EIF2B3: variants seen among roughly 807,000 people sequenced by gnomAD.
The protein encoded by EIF2B3 is eukaryotic translation initiation factor 2B subunit gamma, also known as translation initiation factor eIF2B subunit gamma.
In EIF2B3, 20 loss-of-function variants were observed where a neutral mutation model predicts 54.1. The observed-to-expected ratio is 0.37, with a 90% CI of 0.26 to 0.54. The LOEUF (loss-of-function observed/expected upper bound fraction) is 0.54, where lower values mean the gene tolerates loss of function less well. Ranked by LOEUF, EIF2B3 falls within the 20% of genes least tolerant of loss-of-function variation. The pLI, the probability that EIF2B3 is intolerant of heterozygous loss-of-function variation, is 0.86. For missense variants in EIF2B3, 448 were observed against 547.8 expected (o/e 0.82, Z 1.82); for synonymous variants, 153 against 188.1 (o/e 0.81, Z 1.52).
intron 4 of EIF2B3, among the ~76,000 whole-genome samples, chr1:44,938,409 G>A (rs954877646): frequency 1.3e-5 from 2 of 152,056 alleles, no homozygotes; most frequent in Admixed American, 1.3e-4. Flanking sequence ...CTACTTGGCA[G>A]GCTGAGGTGG....
At chr1:44,977,276 G>C (rs1644462064) in intron 3 of EIF2B3, among the ~76,000 whole-genome samples, 1 of 152,128 alleles carries the variant, frequency 6.6e-6, no homozygotes, top group Non-Finnish European at 1.5e-5. Flanking sequence ...GTGCTCCTTA[G>C]TTTCTTAACC....
Position 44,875,645 on chromosome 1 carries a change from C to G in EIF2B3, c.1026G>C (p.Ser342=), listed in dbSNP as rs539187259. ...GGTGTTTGCTGACAATCTGGGCTGA[C>G]GAATGGACTGGTGGTTCTTCTGGAC... ...ALCPEEPPVH[S]SAQIVSKHLV... The change falls in exon 9 of 12, where the codon TCG becomes TCC. Residue 342 remains serine, a synonymous_variant. Transcript: ENST00000360403. 3 of 1,614,014 alleles carry G rather than the reference C, an allele frequency of 1.9e-6. No individual in the cohort carries two copies. The highest frequency in any genetic ancestry group is 2.5e-6 in the Non-Finnish European group (3 of 1,180,030).
intron 5 of EIF2B3, among the ~76,000 whole-genome samples, chr1:44,905,048 C>T (rs188873936): frequency 3.3e-3 from 504 of 152,282 alleles, no homozygotes; most frequent in Non-Finnish European, 4.6e-3. Context: ...TGTGGTGTGG[C>T]TATCTGGTAT....
intron 3 of EIF2B3, among the ~76,000 whole-genome samples, chr1:44,955,684 TC>T (rs1427040201): frequency 6.6e-6 from 1 of 151,500 alleles, no homozygotes; most frequent in Non-Finnish European, 1.5e-5. Flanking sequence ...AAAAACCCCA[TC>T]AAAAAGTGGG....
chr1:44,855,443 T>G (rs1654405183), intron 11 of EIF2B3, among the ~76,000 whole-genome samples: 1 of 152,172 alleles, frequency 6.6e-6, no homozygotes, highest in Admixed American at 6.6e-5. Flanking sequence ...AAAATATGTT[T>G]CATGGATCCA....
intron 4 of EIF2B3, among the ~76,000 whole-genome samples, chr1:44,933,940 T>C (rs1362867140): frequency 2.0e-5 from 3 of 149,128 alleles, no homozygotes; most frequent in African/African-American, 5.0e-5. Flanking sequence ...CTGACCAAAA[T>C]GGAGAAACCC....
intron 11 of EIF2B3, among the ~76,000 whole-genome samples, chr1:44,857,099 G>C (rs1223003007): frequency 6.6e-6 from 1 of 152,144 alleles, no homozygotes; most frequent in African/African-American, 2.4e-5. Flanking sequence ...AAGAATCACT[G>C]TACAGTATTG....
intron 5 of EIF2B3, among the ~76,000 whole-genome samples, chr1:44,922,454 G>A (rs1247535929): frequency 6.6e-6 from 1 of 151,476 alleles, no homozygotes; most frequent in African/African-American, 2.4e-5. Flanking sequence ...GGGCATGGTG[G>A]TGGGCGCCTG....
At chr1:44,865,569 A>G (rs1018828090) in intron 10 of EIF2B3, among the ~76,000 whole-genome samples, 1 of 151,678 alleles carries the variant, frequency 6.6e-6, no homozygotes, top group Non-Finnish European at 1.5e-5. Context: ...CTGTATTTGT[A>G]ACATTGGTAC....
At chr1:44,870,985 G>C (rs536173496) in intron 10 of EIF2B3, among the ~76,000 whole-genome samples, 1 of 152,054 alleles carries the variant, frequency 6.6e-6, no homozygotes, top group Non-Finnish European at 1.5e-5. Context: ...TTCCAAATTC[G>C]TACTTCAAGC....
At chr1:44,868,421 A>AGG (rs1024278218) in intron 10 of EIF2B3, among the ~76,000 whole-genome samples, 13 of 142,812 alleles carry the variant, frequency 9.1e-5, no homozygotes, top group African/African-American at 3.4e-4. Context: ...AAAAAAAAAA[A>AGG]GAAAGCTGTA....
chr1:44,958,311 G>A (rs1037454182), intron 3 of EIF2B3, among the ~76,000 whole-genome samples: 6 of 152,182 alleles, frequency 3.9e-5, no homozygotes, highest in Admixed American at 6.5e-5. Flanking sequence ...GCTGCCTTAA[G>A]TTCTCTTCAT....
chr1:44,982,457 C>A (rs1244732065), intron 1 of EIF2B3, among the ~76,000 whole-genome samples: 1 of 152,040 alleles, frequency 6.6e-6, no homozygotes, highest in East Asian at 1.9e-4. Context: ...GGCCACCATG[C>A]CTGGCTAATT....
At position 44,934,154 on chromosome 1, in the gene EIF2B3, T is replaced by A. The variant is rs558110741; in HGVS notation, c.454+7352A>T. 2.0e-5 allele frequency among the ~76,000 whole-genome samples: 3 copies of A among 152,020 alleles called. No individual in the cohort carries two copies. The South Asian group carries it at 6.2e-4, about 32-fold the overall frequency. ...GGCTCACACCTGTAATCCCGGCACT[T>A]TGGGAGGCTGAGGCAGGTGGATCAC... On this transcript the variant is annotated intron_variant, in intron 4 of 11. Transcript: ENST00000360403.
Position 44,926,615 on chromosome 1 carries a change from C to A in EIF2B3, c.566+13G>T. On this transcript the variant is annotated intron_variant, in intron 5 of 11. Coordinates refer to ENST00000360403, the MANE Select transcript of EIF2B3 (RefSeq NM_020365.5). ...CAAGGAGAATTGCCAGAAGAAAAAA[C>A]CCTAGGGCTTACTTCTGTAGGATGG... The A allele has an allele frequency of 6.2e-7, 1 of 1,608,726 alleles. No individual in the cohort carries two copies. The highest frequency in any genetic ancestry group is 8.5e-7 in the Non-Finnish European group (1 of 1,175,470).
intron 3 of EIF2B3, among the ~76,000 whole-genome samples, chr1:44,943,126 G>A (rs922829998): frequency 2.0e-5 from 3 of 151,572 alleles, no homozygotes; most frequent in Admixed American, 2.0e-4. Flanking sequence ...CAAAGTGCTG[G>A]GATTACAGGT....
chr1:44,926,550 C>T, intron 5 of EIF2B3, 78 bp downstream of exon 5: 1 of 1,142,932 alleles, frequency 8.7e-7, no homozygotes. Context: ...TTTTCATTCC[C>T]TCTTTCCCAT....
chr1:44,922,325 G>T (rs970299356), intron 5 of EIF2B3, among the ~76,000 whole-genome samples: 8 of 151,216 alleles, frequency 5.3e-5, no homozygotes, highest in Non-Finnish European at 2.9e-5. Context: ...GGTGGCTCAC[G>T]CCTGTAATCT....
At position 44,963,239 on chromosome 1, in the gene EIF2B3, AC is replaced by A. The variant is rs562183770; in HGVS notation, c.294+15075del. Among the ~76,000 whole-genome samples the A allele has an allele frequency of 3.6e-3, 543 of 151,678 alleles. 3 individuals are homozygous for A. The highest frequency in any genetic ancestry group is 0.012 in the African/African-American group (491 of 41,344). Reference sequence around the variant, plus strand: ...AAAAACAAAAACAAAAACAAAAAAAACAAAACAAAAAAAAACCCCAGAAAAC... The same window carrying A: ...AAAAACAAAAACAAAAACAAAAAAAAAAAACAAAAAAAAACCCCAGAAAAC... On this transcript the variant is annotated intron_variant, in intron 3 of 11. Coordinates refer to ENST00000360403, the MANE Select transcript of EIF2B3 (RefSeq NM_020365.5).
Sources: allele counts gnomAD v4.1 joint callset (sites outside exome capture counted in the v4.1 genomes callset), GRCh38; gene constraint gnomAD v4.1.1; transcripts MANE v1.5; gene names NCBI Gene and HGNC (gene_info 2026-07-23, HGNC 2026-07-21).